The following RFX3 variants were observed in gnomAD, a reference collection of about 807,000 sequenced individuals.
RFX3 encodes regulatory factor X3, also known as transcription factor RFX3.
Under a neutral mutation model 98.6 loss-of-function variants are expected in RFX3, and 14 were observed. That is an observed-to-expected ratio of 0.14 (90% CI 0.09 to 0.22). The LOEUF is 0.22. Among genes scored for constraint, RFX3 ranks in the 10% least tolerant of loss-of-function variants. The pLI is 1.00. For synonymous variants in RFX3, 383 were observed against 328.4 expected (o/e 1.17, Z -1.80); for missense variants, 639 against 926.9 (o/e 0.69, Z 4.03).
chr9:3,513,612 G>C (rs911315102), intron 1 of RFX3, among the ~76,000 whole-genome samples: 4 of 152,166 alleles, frequency 2.6e-5, no homozygotes, highest in East Asian at 1.9e-4. Context: ...CATCATTAAA[G>C]AAGGAAGTCT....
chr9:3,454,991 C>G (rs1847016219), intron 1 of RFX3, among the ~76,000 whole-genome samples: 1 of 152,178 alleles, frequency 6.6e-6, no homozygotes, highest in South Asian at 2.1e-4. Flanking sequence ...ATTCCACTTT[C>G]CCTGACAAGT....
In RFX3 at chr9:3,221,674, C is replaced by T. The variant is rs1281813; in HGVS notation, c.*3368G>A. 0.6 allele frequency: 90,404 copies of T among 151,908 alleles called. 31,088 individuals are homozygous for T. The highest frequency in any genetic ancestry group is 0.77 in the Non-Finnish European group (52,222 of 67,916). 9.4% of individuals were successfully genotyped at this position (151,908 alleles called of 1,614,324 possible). On this transcript the variant is annotated 3_prime_UTR_variant, in exon 17 of 17. Transcript: ENST00000617270. ...CCAAAGAAAAAATTGAAAATTGGGC[C>T]CTGTCTTCCAAGGAGATGGTTCATC...
intron 1 of RFX3, among the ~76,000 whole-genome samples, chr9:3,504,878 A>G (rs1304995938): frequency 1.1e-4 from 6 of 52,308 alleles, no homozygotes; most frequent in African/African-American, 3.5e-4. Flanking sequence ...TATTATATAT[A>G]TTATATATAA....
intron 15 of RFX3, among the ~76,000 whole-genome samples, chr9:3,235,234 G>A (rs901967270): frequency 6.6e-6 from 1 of 152,224 alleles, no homozygotes; most frequent in Non-Finnish European, 1.5e-5. Flanking sequence ...CGTAAAGAGA[G>A]AGTCTAATAT....
chr9:3,450,480 A>G (rs1334315547), intron 1 of RFX3, among the ~76,000 whole-genome samples: 1 of 152,198 alleles, frequency 6.6e-6, no homozygotes, highest in Non-Finnish European at 1.5e-5. Context: ...GTGATACAAA[A>G]GAAAGTACTA....
intron 11 of RFX3, 138 bp from the exon 12 acceptor site, chr9:3,266,443 T>C (rs1823640851): frequency 2.2e-6 from 1 of 444,652 alleles, no homozygotes; most frequent in Non-Finnish European, 4.0e-6. Context: ...TGAAACTTTA[T>C]TTAACATTAT....
intron 5 of RFX3, 118 bp downstream of exon 5, chr9:3,301,427 TG>T (rs1299079320): frequency 4.9e-6 from 3 of 615,124 alleles, no homozygotes; most frequent in Non-Finnish European, 5.7e-6. Flanking sequence ...CATAAGGGGC[TG>T]AGAAGGGAAG....
chr9:3,395,194 C>T (rs1397186051), intron 2 of RFX3, among the ~76,000 whole-genome samples: 1 of 152,098 alleles, frequency 6.6e-6, no homozygotes, highest in Non-Finnish European at 1.5e-5. Context: ...TTTGAGTGGT[C>T]ATATCAGAAA....
intron 1 of RFX3, among the ~76,000 whole-genome samples, chr9:3,453,262 A>G (rs1256778292): frequency 2.6e-5 from 4 of 152,034 alleles, no homozygotes; most frequent in Admixed American, 2.0e-4. Context: ...ACACCCCCCA[A>G]GTGTAACTGG....
intron 5 of RFX3, among the ~76,000 whole-genome samples, chr9:3,298,542 G>T (rs916033833): frequency 1.3e-5 from 2 of 151,814 alleles, no homozygotes; most frequent in Non-Finnish European, 2.9e-5. Flanking sequence ...CACTAGGGAT[G>T]CACTGGTGAA....
chr9:3,324,772 G>A (rs1023370263), intron 4 of RFX3, among the ~76,000 whole-genome samples: 2 of 152,024 alleles, frequency 1.3e-5, no homozygotes, highest in Admixed American at 1.3e-4. Flanking sequence ...AGACCAGTGT[G>A]GCAAACATGG....
intron 2 of RFX3, among the ~76,000 whole-genome samples, chr9:3,362,148 TA>T (rs1159299279): frequency 2.0e-5 from 3 of 152,196 alleles, no homozygotes; most frequent in African/African-American, 7.2e-5. Flanking sequence ...TCACTGTGTT[TA>T]TTGAGCAAGA....
intron 2 of RFX3, among the ~76,000 whole-genome samples, chr9:3,392,230 A>T (rs1840390396): frequency 6.6e-6 from 1 of 152,318 alleles, no homozygotes; most frequent in Non-Finnish European, 1.5e-5. Context: ...CAGACATCAG[A>T]GAAAAGCTTT....
intron 2 of RFX3, among the ~76,000 whole-genome samples, chr9:3,354,944 A>T (rs144649709): frequency 2.0e-5 from 3 of 152,044 alleles, no homozygotes; most frequent in African/African-American, 7.2e-5. Context: ...TGTAGAAGTG[A>T]AATGCAGGAA....
At chr9:3,257,270 A>T in intron 13 of RFX3, 71 bp from the exon 14 acceptor site, 1 of 1,249,238 alleles carries the variant, frequency 8.0e-7, no homozygotes. Flanking sequence ...CAGCACACAC[A>T]CTAGATGCAA....
At chr9:3,374,061 G>C (rs533650376) in intron 2 of RFX3, among the ~76,000 whole-genome samples, 1 of 151,272 alleles carries the variant, frequency 6.6e-6, no homozygotes, top group Non-Finnish European at 1.5e-5. Flanking sequence ...CTGGGCGACA[G>C]AGTGAGACTC....
At chr9:3,263,631 C>T (rs1426951087) in intron 12 of RFX3, among the ~76,000 whole-genome samples, 3 of 152,276 alleles carry the variant, frequency 2.0e-5, no homozygotes, top group Admixed American at 6.5e-5. Flanking sequence ...GCGAGATTAT[C>T]AGAGGCAACC....
chr9:3,393,075 G>C (rs923173781), intron 2 of RFX3, among the ~76,000 whole-genome samples: 1 of 151,602 alleles, frequency 6.6e-6, no homozygotes, highest in Admixed American at 6.6e-5. Flanking sequence ...GTGGGCCAGG[G>C]TGTGTGTGTG....
Position 3,263,077 on chromosome 9 carries a change from G to C in RFX3, c.1463C>G (p.Ala488Gly). Residue 488 changes from alanine to glycine, a missense_variant, in exon 13 of 17, where the codon GCT becomes GGT. Physicochemically the swap from Ala to Gly is moderately conservative, Grantham distance 60. Coordinates refer to ENST00000617270, the MANE Select transcript of RFX3 (RefSeq NM_001282116.2). ...PQRMIQTKVA[A>G]VSAFAQTLRR... Reference sequence around the variant, plus strand: ...CAGAGTCTGGGCAAAGGCACTTACAGCGGCAACCTGTAACGCAATCCAATT... The same window carrying C: ...CAGAGTCTGGGCAAAGGCACTTACACCGGCAACCTGTAACGCAATCCAATT... 6.2e-7 allele frequency: 1 copy of C among 1,613,604 alleles called. No homozygotes were observed. Among genetic ancestry groups the C allele is most frequent in the Non-Finnish European group, 8.5e-7 (1 of 1,179,640 alleles).
Sources: gnomAD v4.1 joint callset for allele counts (sites outside exome capture counted in the v4.1 genomes callset) on GRCh38, gnomAD v4.1.1 for gene constraint, MANE v1.5 for transcripts, NCBI Gene and HGNC (gene_info 2026-07-23, HGNC 2026-07-21) for gene names.